STK36: variants seen among roughly 807,000 people sequenced by gnomAD.
The protein encoded by STK36 is serine/threonine-protein kinase 36.
Under a neutral mutation model 142.2 loss-of-function variants are expected in STK36, and 116 were observed. The ratio of observed to expected loss-of-function variants is 0.82; its 90% CI spans 0.70 to 0.95. The LOEUF (loss-of-function observed/expected upper bound fraction) is 0.95. Among genes scored for constraint, STK36 ranks in the 40% least tolerant of loss-of-function variants. STK36 has a pLI of 0.00. For missense variants in STK36, 1,422 were observed against 1,617.2 expected, an observed-to-expected ratio of 0.88 and a Z score of 2.07; for synonymous variants, 619 against 641.7, an observed-to-expected ratio of 0.96 and a Z score of 0.53.
intron 22 of STK36, 196 bp from the exon 23 acceptor site, chr2:218,696,843 C>T (rs752788227): frequency 1.1e-6 from 1 of 936,146 alleles, no homozygotes; most frequent in Non-Finnish European, 1.7e-6. Context: ...AGCAGACATA[C>T]ACATGAGTTG....
At chr2:218,698,513 T>C in intron 25 of STK36, 89 bp from the exon 26 acceptor site, 1 of 1,500,856 alleles carries the variant, frequency 6.7e-7, no homozygotes, top group Non-Finnish European at 9.0e-7. Context: ...TCACCATAGC[T>C]TGGCTTTTCT....
At position 218,673,764 on chromosome 2, in the gene STK36, A is replaced by T. The variant is rs1050678850; in HGVS notation, c.224A>T (p.Glu75Val). The change falls in exon 3 of 27, where the codon GAG becomes GTG. Residue 75 changes from glutamate (E) to valine (V), a missense_variant and splice_region_variant. Coordinates refer to ENST00000295709, the MANE Select transcript of STK36 (RefSeq NM_015690.5). Reference protein sequence around the residue: ...HMLDSFETDKEVVVVTDYAEG... With the variant: ...HMLDSFETDKVVVVVTDYAEG... ...CTTGACAGCTTTGAAACTGATAAAG[A>T]GGTGTGCTTTGACAGTTTTGGGCCC... is the stretch of plus-strand genomic sequence containing the variant. The T allele has an allele frequency of 5.6e-6, 9 of 1,613,708 alleles. No homozygotes were observed. The highest frequency in any genetic ancestry group is 7.6e-6 in the Non-Finnish European group (9 of 1,179,828).
At position 218,690,500 on chromosome 2, in the gene STK36, A is replaced by G; in HGVS notation, c.1709A>G (p.Lys570Arg). ...AANLFLDLLG[K>R]LLAQPDDSEQ... ...AACCTTTTTCTGGACCTGTTGGGGA[A>G]ACTGCTGGCCCAACCAGATGACTCT... The change falls in exon 14 of 27, where the codon AAA becomes AGA. Residue 570 changes from lysine to arginine, a missense_variant. Around this residue, in one of 2 missense-constraint regions of STK36, gnomAD observed 962 missense variants for 1,167.5 expected, o/e 0.82. Transcript: ENST00000295709. The G allele has an allele frequency of 1.2e-6, 2 of 1,614,142 alleles. No homozygotes were observed. The highest frequency in any genetic ancestry group is 2.2e-5 in the South Asian group (2 of 91,084).
intron 26 of STK36, among the ~76,000 whole-genome samples, chr2:218,701,052 A>G (rs1181502687): frequency 6.6e-6 from 1 of 151,748 alleles, no homozygotes. Flanking sequence ...AGATATCTAC[A>G]TATGGTAATA....
intron 4 of STK36, among the ~76,000 whole-genome samples, chr2:218,674,759 C>G (rs1359933568): frequency 6.6e-6 from 1 of 152,096 alleles, no homozygotes; most frequent in Non-Finnish European, 1.5e-5. Context: ...CGCCACCATG[C>G]CTAGCTAATT....
intron 14 of STK36, 46 bp from the exon 15 acceptor site, chr2:218,692,097 C>T: frequency 6.3e-7 from 1 of 1,584,360 alleles, no homozygotes; most frequent in Non-Finnish European, 8.6e-7. Context: ...ACACTAAGCC[C>T]AGTCTTCTGA....
In STK36 at chr2:218,697,898, G is replaced by C; in HGVS notation, c.2954G>C (p.Cys985Ser). 6.2e-7 allele frequency: 1 copy of C among 1,614,168 alleles called. No homozygotes were observed. Among genetic ancestry groups the C allele is most frequent in the Non-Finnish European group, 8.5e-7 (1 of 1,180,022 alleles). Residue 985 changes from cysteine (C) to serine (S), a missense_variant, in exon 25 of 27, where the codon TGC becomes TCC. Cys to Ser is a moderately radical substitution (Grantham distance 112). Transcript: ENST00000295709. ...EFLPVVVLSV[C>S]QLLCFPFALD... ...CTCCCTGTCGTGGTGCTCTCTGTCTGCCAGCTCCTTTGCTTCCCCTTTGCG... is the reference window on the plus strand; with the variant it reads ...CTCCCTGTCGTGGTGCTCTCTGTCTCCCAGCTCCTTTGCTTCCCCTTTGCG...
At chr2:218,674,659 T>A (rs1413128387) in intron 4 of STK36, among the ~76,000 whole-genome samples, 2 of 152,262 alleles carry the variant, frequency 1.3e-5, no homozygotes, top group East Asian at 3.8e-4. Context: ...TGGAGTGCAG[T>A]GGCACAATCT....
chr2:218,700,717 AAAG>A (rs1395825491), intron 26 of STK36, among the ~76,000 whole-genome samples: 1 of 151,310 alleles, frequency 6.6e-6, no homozygotes, highest in Non-Finnish European at 1.5e-5. Context: ...TTCAGTATAT[AAAG>A]AGTCCAGTAG....
chr2:218,679,945 T>A lies in STK36; in HGVS notation c.1001T>A (p.Val334Glu). The A allele has an allele frequency of 6.2e-7, 1 of 1,614,158 alleles. No individual in the cohort carries two copies. The highest frequency in any genetic ancestry group is 8.5e-7 in the Non-Finnish European group (1 of 1,180,002). Residue 334 changes from valine (V) to glutamate (E), a missense_variant, in exon 9 of 27, where the codon GTG becomes GAG. Coordinates refer to ENST00000295709, the MANE Select transcript of STK36 (RefSeq NM_015690.5). ...GAGCAAGAGGACAAGACCAGCAAGGTGGCTCCTGGCACAGCCCCTCTGCCC... is the reference window on the plus strand; with the variant it reads ...GAGCAAGAGGACAAGACCAGCAAGGAGGCTCCTGGCACAGCCCCTCTGCCC... ...ALEQEDKTSKVAPGTAPLPRL... is the reference protein window; with the variant it reads ...ALEQEDKTSKEAPGTAPLPRL...
chr2:218,680,055 A>C lies in STK36; in HGVS notation c.1111A>C (p.Thr371Pro), dbSNP rs779650437. 1 of 1,614,116 alleles carries C rather than the reference A, an allele frequency of 6.2e-7. No homozygotes were observed. The highest frequency in any genetic ancestry group is 1.1e-5 in the South Asian group (1 of 91,074). ...GAAGAGCAGCTGGGCTAAATCAGGG[A>C]CTGGAGAGGTGCCCTCTGCACCTCG... ...ELKSSWAKSG[T>P]GEVPSAPREN... The change falls in exon 9 of 27, where the codon ACT becomes CCT. Residue 371 changes from threonine (T) to proline (P), a missense_variant. By Grantham distance (38) the Thr-to-Pro change is conservative. Coordinates refer to ENST00000295709, the MANE Select transcript of STK36 (RefSeq NM_015690.5).
At position 218,692,236 on chromosome 2, in the gene STK36, T is replaced by A. The variant is rs1431639767; in HGVS notation, c.1858T>A (p.Leu620Met). Residue 620 changes from leucine (L) to methionine (M), a missense_variant, in exon 15 of 27, where the codon TTG becomes ATG. Around this residue, in one of 2 missense-constraint regions of STK36, gnomAD observed 962 missense variants for 1,167.5 expected, o/e 0.82. Transcript: ENST00000295709. Reference protein sequence around the residue: ...SSLLTTQQVVLDGLLHGLTVP... With the variant: ...SSLLTTQQVVMDGLLHGLTVP... Reference sequence around the variant, plus strand: ...CTTGCTGACGACACAGCAGGTTGTCTTGGATGGGCTCCTTCATGGCTTGAC... The same window carrying A: ...CTTGCTGACGACACAGCAGGTTGTCATGGATGGGCTCCTTCATGGCTTGAC... The A allele has an allele frequency of 2.5e-6, 4 of 1,614,222 alleles. No homozygotes were observed. Among genetic ancestry groups the A allele is most frequent in the Non-Finnish European group, 3.4e-6 (4 of 1,180,044 alleles).
chr2:218,680,205 G>A (rs1256201104), intron 9 of STK36, 125 bp downstream of exon 9: 1 of 887,216 alleles, frequency 1.1e-6, no homozygotes, highest in Non-Finnish European at 1.7e-6. Context: ...AGCCTCGAGA[G>A]TCTGAGTCCT....
rs180843126 is a variant in STK36, at chr2:218,673,707, G to A, written c.167G>A (p.Arg56Gln). ...TTGCAACGAGAGATTGAAATAATGC[G>A]GGGTCTGCGGCATCCCAACATTGTG... Reference protein sequence around the residue: ...RNLQREIEIMRGLRHPNIVHM... With the variant: ...RNLQREIEIMQGLRHPNIVHM... The change falls in exon 3 of 27, where the codon CGG (arginine) becomes CAG (glutamine). Residue 56 changes from arginine to glutamine, a missense_variant. This residue lies in a region of STK36 where 460 missense variants were observed against 449.6 expected (regional missense o/e 1.02). Transcript: ENST00000295709. The A allele has an allele frequency of 1.3e-5, 21 of 1,614,018 alleles. No individual in the cohort carries two copies. The South Asian group carries it at 1.6e-4, about 13-fold the overall frequency.
intron 26 of STK36, among the ~76,000 whole-genome samples, chr2:218,701,126 T>C (rs1019033829): frequency 1.4e-5 from 2 of 144,576 alleles, no homozygotes; most frequent in Admixed American, 1.4e-4. Context: ...TTTGAGAGGA[T>C]GGTGAAGATC....
Position 218,685,238 on chromosome 2 carries a change from A to C in STK36, c.1380+10A>C, listed in dbSNP as rs1940725628. On this transcript the variant is annotated intron_variant, in intron 11 of 26. Transcript: ENST00000295709. ...TGAAGCTGGAGGGCAGGTAATGGGG[A>C]GAAAGACACTGTGGATGGGATCAAG... 3 of 1,614,104 alleles carry C rather than the reference A, an allele frequency of 1.9e-6. No homozygotes were observed. The highest frequency in any genetic ancestry group is 2.5e-6 in the Non-Finnish European group (3 of 1,179,982).
intron 4 of STK36, 50 bp downstream of exon 4, chr2:218,674,006 T>C (rs377368300): frequency 6.6e-5 from 103 of 1,560,786 alleles, no homozygotes; most frequent in Admixed American, 9.1e-5. Flanking sequence ...CTCTCCAGGT[T>C]AGAGAACTGG....
chr2:218,684,948 G>C, intron 10 of STK36, 137 bp from the exon 11 acceptor site: 1 of 1,053,898 alleles, frequency 9.5e-7, no homozygotes, highest in East Asian at 2.5e-5. Flanking sequence ...GCAGGTGACT[G>C]AAGATATACA....
Position 218,693,922 on chromosome 2 carries a change from A to G in STK36, c.2275A>G (p.Thr759Ala). The G allele has an allele frequency of 6.2e-7, 1 of 1,614,244 alleles. No homozygotes were observed. Among genetic ancestry groups the G allele is most frequent in the Non-Finnish European group, 8.5e-7 (1 of 1,180,038 alleles). Reference sequence around the variant, plus strand: ...AAAAGTAGTAGATTGGGAAGAGTCTACTGAAGTGACACTCTACTTCCTCTC... The same window carrying G: ...AAAAGTAGTAGATTGGGAAGAGTCTGCTGAAGTGACACTCTACTTCCTCTC... ...KVKVVDWEESTEVTLYFLSLL... is the reference protein window; with the variant it reads ...KVKVVDWEESAEVTLYFLSLL... The change falls in exon 19 of 27, where the codon ACT becomes GCT. Residue 759 changes from threonine (T) to alanine (A), a missense_variant. Thr to Ala is a moderately conservative substitution (Grantham distance 58, BLOSUM62 0). Around this residue, in one of 2 missense-constraint regions of STK36, gnomAD observed 962 missense variants for 1,167.5 expected, o/e 0.82. Transcript: ENST00000295709.
Sources: gnomAD v4.1 joint callset for allele counts (sites outside exome capture counted in the v4.1 genomes callset) on GRCh38, gnomAD v4.1.1 for gene constraint, gnomAD v4.1.1 regional missense constraint, MANE v1.5 for transcripts, NCBI Gene and HGNC (gene_info 2026-07-23, HGNC 2026-07-21) for gene names.